DNTTIP1: variants seen among roughly 807,000 people sequenced by gnomAD.
DNTTIP1 encodes the protein deoxynucleotidyltransferase terminal interacting protein 1.
DNTTIP1 carries 22 observed loss-of-function variants against 52.9 expected under a neutral mutation model. The observed-to-expected ratio is 0.42, with a 90% CI of 0.30 to 0.59. DNTTIP1 has a LOEUF of 0.59. Among genes scored for constraint, DNTTIP1 ranks in the 20% least tolerant of loss-of-function variants. The pLI is 0.22. For missense variants in DNTTIP1, 286 were observed against 435.5 expected (o/e 0.66, Z 3.06); for synonymous variants, 136 against 155.1 (o/e 0.88, Z 0.92).
chr20:45,808,561 A>G (rs1422095247), intron 10 of DNTTIP1, among the ~76,000 whole-genome samples: 1 of 152,088 alleles, frequency 6.6e-6, no homozygotes, highest in Non-Finnish European at 1.5e-5. Context: ...AATCGCTTGA[A>G]CCCAGGAGGC....
intron 1 of DNTTIP1, 106 bp downstream of exon 1, chr20:45,792,215 G>C: frequency 2.9e-6 from 2 of 688,524 alleles, no homozygotes; most frequent in Non-Finnish European, 4.1e-6. Flanking sequence ...GCTGCAGAGG[G>C]GGTTGGCGTT....
chr20:45,807,242 C>T (rs935271369), intron 10 of DNTTIP1, among the ~76,000 whole-genome samples: 1 of 152,086 alleles, frequency 6.6e-6, no homozygotes, highest in African/African-American at 2.4e-5. Context: ...CTGCCTCAGC[C>T]TCCCGAGTAG....
In DNTTIP1 at chr20:45,809,168, G is replaced by C. The variant is rs752698158; in HGVS notation, c.778G>C (p.Ala260Pro). The C allele has an allele frequency of 1.9e-6, 3 of 1,614,082 alleles. No homozygotes were observed. The South Asian group carries it at 3.3e-5, about 18-fold the overall frequency. The change falls in exon 11 of 13, where the codon GCA becomes CCA. Residue 260 changes from alanine (A) to proline (P), a missense_variant. Ala to Pro is a conservative substitution (Grantham distance 27, BLOSUM62 -1). Coordinates refer to ENST00000372622, the MANE Select transcript of DNTTIP1 (RefSeq NM_052951.3). The surrounding 1 kb of genome is among the most constrained non-coding windows in gnomAD (Gnocchi z 4.2). ...HWLAEQHHMR[A>P]TGGKMAYLLI... ...GCTGGCTGAGCAGCATCACATGCGG[G>C]CAACAGGGGGCAAGATGGTAAGCAT...
In DNTTIP1 at chr20:45,791,958, T is replaced by A; in HGVS notation, c.-47T>A. On this transcript the variant is annotated 5_prime_UTR_variant, in exon 1 of 13. Coordinates refer to ENST00000372622, the MANE Select transcript of DNTTIP1 (RefSeq NM_052951.3). ...CTCCAGTGACGTCACGGCGCCACTTTCCGGCCGGTGACAGAGTCCAGCGGA... is the reference window on the plus strand; with the variant it reads ...CTCCAGTGACGTCACGGCGCCACTTACCGGCCGGTGACAGAGTCCAGCGGA... The A allele has an allele frequency of 8.4e-7, 1 of 1,191,048 alleles. No individual in the cohort carries two copies. 73.8% of individuals were successfully genotyped at this position (1,191,048 alleles called of 1,614,324 possible).
intron 1 of DNTTIP1, 21 bp downstream of exon 1, chr20:45,792,130 G>C: frequency 8.0e-7 from 1 of 1,247,524 alleles, no homozygotes. Flanking sequence ...CCCCGGTGAG[G>C]TCTGGGCTCA....
chr20:45,801,809 G>A (rs927652768), intron 6 of DNTTIP1, among the ~76,000 whole-genome samples, 190 bp from the exon 7 acceptor site: 4 of 152,196 alleles, frequency 2.6e-5, no homozygotes, highest in South Asian at 2.1e-4. Flanking sequence ...TCTTCACTCC[G>A]CAAGGTACTG....
intron 6 of DNTTIP1, among the ~76,000 whole-genome samples, chr20:45,801,784 T>C (rs565037477): frequency 6.6e-6 from 1 of 152,186 alleles, no homozygotes; most frequent in African/African-American, 2.4e-5. Flanking sequence ...TAAGACCCTG[T>C]CTCTCAAAAA....
chr20:45,807,246 C>T (rs1184409910), intron 10 of DNTTIP1, among the ~76,000 whole-genome samples: 1 of 151,978 alleles, frequency 6.6e-6, no homozygotes, highest in East Asian at 1.9e-4. Flanking sequence ...CTCAGCCTCC[C>T]GAGTAGCTGG....
chr20:45,806,460 G>C (rs1981653911), intron 10 of DNTTIP1, among the ~76,000 whole-genome samples: 2 of 152,088 alleles, frequency 1.3e-5, no homozygotes, highest in African/African-American at 4.8e-5. Context: ...CTGTTTGAGG[G>C]AATAATGGAG....
chr20:45,798,485 A>T (rs189555484), intron 4 of DNTTIP1, among the ~76,000 whole-genome samples: 2,418 of 146,690 alleles, frequency 0.016, 62 homozygotes, highest in African/African-American at 0.063. Flanking sequence ...AGTATAATTT[A>T]AAAAAAAATG....
chr20:45,796,461 C>T (rs1470103424), intron 4 of DNTTIP1: 1 of 470,600 alleles, frequency 2.1e-6, no homozygotes, highest in South Asian at 1.5e-5. Flanking sequence ...CCTGCAGGTG[C>T]GTGGTGGATC....
chr20:45,806,525 G>A (rs1981656588), intron 10 of DNTTIP1, among the ~76,000 whole-genome samples: 1 of 152,208 alleles, frequency 6.6e-6, no homozygotes, highest in Non-Finnish European at 1.5e-5. Context: ...TCAGTCACGA[G>A]AGCATCGAAG....
chr20:45,800,265 A>G (rs1317073841), intron 4 of DNTTIP1, among the ~76,000 whole-genome samples: 1 of 152,204 alleles, frequency 6.6e-6, no homozygotes. Flanking sequence ...TAGTTTATGT[A>G]ATGAGATTCC....
intron 11 of DNTTIP1, 33 bp from the exon 12 acceptor site, chr20:45,810,852 G>A (rs1568711077): frequency 1.9e-6 from 3 of 1,604,656 alleles, no homozygotes; most frequent in Non-Finnish European, 2.6e-6. Flanking sequence ...AAATGAATCA[G>A]GCAATGACCA....
rs1281314525 is a variant in DNTTIP1 at position 45,801,471 on chromosome 20, CT to C, written c.498+15del. 5.6e-6 allele frequency: 9 copies of C among 1,613,984 alleles called. No individual in the cohort carries two copies. The highest frequency in any genetic ancestry group is 1.3e-5 in the African/African-American group (1 of 75,034). On this transcript the variant is annotated intron_variant, in intron 6 of 12. Coordinates refer to ENST00000372622, the MANE Select transcript of DNTTIP1 (RefSeq NM_052951.3). ...CCTTCCTAAAAAGGTAAACCATTTC[CT>C]TGTTTTGTTTTCTGGCTGAAAAAAG...
At chr20:45,801,810 C>G (rs1568708207) in intron 6 of DNTTIP1, among the ~76,000 whole-genome samples, 189 bp from the exon 7 acceptor site, 2 of 152,218 alleles carry the variant, frequency 1.3e-5, no homozygotes, top group Admixed American at 6.5e-5. Context: ...CTTCACTCCG[C>G]AAGGTACTGG....
chr20:45,811,125 T>C lies in DNTTIP1; in HGVS notation c.920T>C (p.Met307Thr). ...CTACCCTCCTGGATGGTGGAGAAGA[T>C]GAGAAAGTATATGGAGACACTACGG... ...FVLPSWMVEKMRKYMETLRTE... is the reference protein window; with the variant it reads ...FVLPSWMVEKTRKYMETLRTE... The change falls in exon 13 of 13, where the codon ATG becomes ACG. Residue 307 changes from methionine to threonine, a missense_variant. By Grantham distance (81) the Met-to-Thr change is moderately conservative. This residue lies in a region of DNTTIP1 where 78 missense variants were observed against 169.0 expected (regional missense o/e 0.46). Coordinates refer to ENST00000372622, the MANE Select transcript of DNTTIP1 (RefSeq NM_052951.3). 1 of 1,613,836 alleles carries C rather than the reference T, an allele frequency of 6.2e-7. No individual in the cohort carries two copies. Among genetic ancestry groups the C allele is most frequent in the South Asian group, 1.1e-5 (1 of 91,074 alleles).
At chr20:45,792,524 G>A (rs766160674) in intron 1 of DNTTIP1, 153 bp from the exon 2 acceptor site, 1 of 572,030 alleles carries the variant, frequency 1.7e-6, no homozygotes, top group Non-Finnish European at 3.1e-6. Context: ...TTGTGGAGGA[G>A]GCCTTACAAC....
Position 45,805,133 on chromosome 20 carries a change from A to C in DNTTIP1, c.604-13A>C. ...AAACTTCACCCTCACGAGCTTCTCT[A>C]TTTTTTGCACAGTGGGACCCAGCTC... On this transcript the variant is annotated splice_polypyrimidine_tract_variant and intron_variant, in intron 8 of 12. Transcript: ENST00000372622. The C allele has an allele frequency of 1.2e-6, 2 of 1,613,844 alleles. No individual in the cohort carries two copies. The highest frequency in any genetic ancestry group is 1.7e-6 in the Non-Finnish European group (2 of 1,179,798).
Sources: gnomAD v4.1 joint callset for allele counts (sites outside exome capture counted in the v4.1 genomes callset) on GRCh38, gnomAD v4.1.1 for gene constraint, gnomAD v4.1.1 regional missense constraint, Gnocchi (gnomAD v3.1) non-coding constraint, MANE v1.5 for transcripts, NCBI Gene and HGNC (gene_info 2026-07-23, HGNC 2026-07-21) for gene names.